RABGEF1: variants seen among roughly 807,000 people sequenced by gnomAD.
RABGEF1 encodes rab5 GDP/GTP exchange factor.
Under a neutral mutation model 57.3 loss-of-function variants are expected in RABGEF1, and 26 were observed. The observed-to-expected ratio is 0.45, with a 90% CI of 0.33 to 0.63. The LOEUF is 0.63. RABGEF1 is among the 20% of genes least tolerant of loss of function. RABGEF1 has a pLI of 0.02. For synonymous variants in RABGEF1, 185 were observed against 210.7 expected (o/e 0.88, Z 1.06); for missense variants, 464 against 607.6 (o/e 0.76, Z 2.48).
intron 1 of RABGEF1, among the ~76,000 whole-genome samples, chr7:66,746,299 TTTAC>T (rs1178376632): frequency 1.3e-5 from 2 of 151,992 alleles, no homozygotes; most frequent in African/African-American, 4.8e-5. Flanking sequence ...ATTTTTTTTT[TTTAC>T]TTTTCTTTTT....
chr7:66,753,308 C>G (rs1315163591), intron 1 of RABGEF1, among the ~76,000 whole-genome samples: 1 of 152,068 alleles, frequency 6.6e-6, no homozygotes, highest in Non-Finnish European at 1.5e-5. Flanking sequence ...TATGATTGTC[C>G]TATTTGTAAA....
At position 66,805,247 on chromosome 7, in the gene RABGEF1, G is replaced by T. The variant is rs780166678; in HGVS notation, c.928G>T (p.Ala310Ser). ...CATCAAGATCACCAAGAATGAGCCG[G>T]CGTCAGCGGATGACTTCCTCCCCAC... ...NAIKITKNEP[A>S]SADDFLPTLI... The change falls in exon 8 of 9, where the codon GCG becomes TCG. Residue 310 changes from alanine (A) to serine (S), a missense_variant. Physicochemically the swap from Ala to Ser is moderately conservative, Grantham distance 99 (BLOSUM62 1). Transcript: ENST00000284957. 11 of 1,614,064 alleles carry T rather than the reference G, an allele frequency of 6.8e-6. No individual in the cohort carries two copies. Among genetic ancestry groups the T allele is most frequent in the Non-Finnish European group, 9.3e-6 (11 of 1,180,052 alleles).
At chr7:66,708,542 A>G (rs1298642085) in intron 1 of RABGEF1, among the ~76,000 whole-genome samples, 1 of 151,490 alleles carries the variant, frequency 6.6e-6, no homozygotes, top group Non-Finnish European at 1.5e-5. Context: ...GTCCACCTCT[A>G]CCTCCCAAAG....
intron 1 of RABGEF1, among the ~76,000 whole-genome samples, chr7:66,741,187 C>G (rs1368494756): frequency 6.6e-6 from 1 of 152,160 alleles, no homozygotes; most frequent in Non-Finnish European, 1.5e-5. Context: ...TGTGGTCGCA[C>G]GGGGCCCCTC....
chr7:66,795,786 A>T (rs997885850), intron 5 of RABGEF1, among the ~76,000 whole-genome samples, 194 bp downstream of exon 5: 1 of 152,184 alleles, frequency 6.6e-6, no homozygotes, highest in Non-Finnish European at 1.5e-5. Context: ...TCCAGGAGCA[A>T]TTGGATAATT....
intron 8 of RABGEF1, among the ~76,000 whole-genome samples, chr7:66,807,006 G>A (rs1468778545): frequency 6.6e-6 from 1 of 151,990 alleles, no homozygotes; most frequent in East Asian, 1.9e-4. Flanking sequence ...TTTGGATTCA[G>A]TTCTTTATCC....
At chr7:66,748,966 T>C in intron 1 of RABGEF1, 1 of 200,312 alleles carries the variant, frequency 5.0e-6, no homozygotes, top group South Asian at 9.1e-5. Context: ...CGCTGCTGCT[T>C]TGCTGGCTGG....
At chr7:66,670,165 C>T in the RABGEF1 span, among the ~76,000 whole-genome samples, 1 of 152,182 alleles carries the variant, frequency 6.6e-6, no homozygotes, top group Admixed American at 6.5e-5. Context: ...CCTGGTGCTG[C>T]CTCACCTCCT....
In RABGEF1 at chr7:66,716,660, T is replaced by TA. The variant is rs146077581; in HGVS notation, c.-815+4444dup. On this transcript the variant is annotated intron_variant and NMD_transcript_variant, in intron 2 of 9. Coordinates refer to the RABGEF1 transcript ENST00000607882. ...CAAAATGTATAGTCATGTCTTTTTT[T>TA]AAAAAAAACTCTTCTGTCATTGTCT... Among the ~76,000 whole-genome samples, 1,288 of 152,082 alleles carry TA rather than the reference T, an allele frequency of 8.5e-3. 14 individuals carry two copies. Among genetic ancestry groups the TA allele is most frequent in the African/African-American group, 0.028 (1,149 of 41,486 alleles).
chr7:66,752,213 G>C (rs1801596359), intron 1 of RABGEF1, among the ~76,000 whole-genome samples: 1 of 151,914 alleles, frequency 6.6e-6, no homozygotes, highest in African/African-American at 2.4e-5. Flanking sequence ...AAAAGTCTTG[G>C]CTGGGCGAGG....
In RABGEF1 at chr7:66,683,153, A is replaced by AT. The variant is rs1584589850; in HGVS notation, c.-873+902dup. Among the ~76,000 whole-genome samples, 3 of 151,952 alleles carry AT rather than the reference A, an allele frequency of 2.0e-5. No homozygotes were observed. In the South Asian group the frequency reaches 6.2e-4, roughly 32 times the overall value. On this transcript the variant is annotated intron_variant and NMD_transcript_variant, in intron 1 of 9. Transcript: ENST00000607882. The stretch of plus-strand genomic sequence containing the variant: ...TAAAACTGCTTTGTTTTTCCTTATT[A>AT]TTTTTTTCGAGATGGGATCTCACAA...
chr7:66,734,597 ATTTT>A (rs550927387), intron 2 of RABGEF1, among the ~76,000 whole-genome samples: 1 of 119,744 alleles, frequency 8.4e-6, no homozygotes, highest in Non-Finnish European at 1.8e-5. Context: ...TGCCTGGCTA[ATTTT>A]TTTTTTTTTT....
At chr7:66,681,347 A>C (rs1175280088), upstream of RABGEF1, among the ~76,000 whole-genome samples, 1 of 150,464 alleles carries the variant, frequency 6.6e-6, no homozygotes, top group Non-Finnish European at 1.5e-5. Context: ...AACCATTCAT[A>C]CTTTGTGACA....
chr7:66,703,640 A>G (rs760780275), intron 1 of RABGEF1, among the ~76,000 whole-genome samples: 6 of 151,654 alleles, frequency 4.0e-5, no homozygotes, highest in Non-Finnish European at 7.4e-5. Context: ...CTGGAACTCT[A>G]TTTCATTGGT....
chr7:66,685,155 T>C (rs1198097525), intron 1 of RABGEF1, among the ~76,000 whole-genome samples: 1 of 115,918 alleles, frequency 8.6e-6, no homozygotes, highest in Non-Finnish European at 1.9e-5. Context: ...ATTATTTGCT[T>C]TTTTTTTTTT....
chr7:66,772,147 A>G (rs1488459105), intron 2 of RABGEF1, 69 bp downstream of exon 2: 1 of 1,242,750 alleles, frequency 8.0e-7, no homozygotes, highest in African/African-American at 1.6e-5. Flanking sequence ...CACCGTCTAA[A>G]TACATTTTTT....
At chr7:66,713,050 A>G (rs897756370) in intron 2 of RABGEF1, among the ~76,000 whole-genome samples, 4 of 151,678 alleles carry the variant, frequency 2.6e-5, no homozygotes, top group African/African-American at 9.7e-5. Flanking sequence ...CCTGGGCTCA[A>G]GCGATCCTCC....
chr7:66,741,322 G>T (rs1179990373), intron 1 of RABGEF1, among the ~76,000 whole-genome samples: 1 of 152,224 alleles, frequency 6.6e-6, no homozygotes, highest in Non-Finnish European at 1.5e-5. Context: ...CCGGAGTTGG[G>T]AGGGGATTTG....
chr7:66,811,188 AC>A lies in RABGEF1; in HGVS notation c.*1905del, dbSNP rs200751177. ...TCAATAAACTGCATATCAACTTCCC[AC>A]AAAAGCTGACTTTTTTGGGTCTCTT... On this transcript the variant is annotated 3_prime_UTR_variant, in exon 9 of 9. Transcript: ENST00000284957. The A allele has an allele frequency of 6.6e-6, 1 of 152,204 alleles. No homozygotes were observed. Among genetic ancestry groups the A allele is most frequent in the East Asian group, 1.9e-4 (1 of 5,206 alleles). The allele number at this position is 152,204 out of a possible 1,614,324, so 9.4% of individuals were successfully genotyped here.
Sources: gnomAD v4.1 joint callset for allele counts (sites outside exome capture counted in the v4.1 genomes callset) on GRCh38, gnomAD v4.1.1 for gene constraint, MANE v1.5 for transcripts, NCBI Gene and HGNC (gene_info 2026-07-23, HGNC 2026-07-21) for gene names.